TBC1D22A: variants seen among roughly 807,000 people sequenced by gnomAD.
The protein encoded by TBC1D22A is putative GTPase activator.
TBC1D22A carries 38 observed loss-of-function variants against 60.2 expected under a neutral mutation model. That is an observed-to-expected ratio of 0.63 (90% CI 0.49 to 0.83). The LOEUF (loss-of-function observed/expected upper bound fraction) is 0.83. Ranked by LOEUF, TBC1D22A falls within the 40% of genes least tolerant of loss-of-function variation. TBC1D22A has a pLI of 0.00. For synonymous variants in TBC1D22A, 302 were observed against 281.7 expected (o/e 1.07, Z -0.72); for missense variants, 628 against 701.0 (o/e 0.90, Z 1.18).
At chr22:46,868,480 C>T (rs1055042764) in intron 4 of TBC1D22A, among the ~76,000 whole-genome samples, 5 of 152,110 alleles carry the variant, frequency 3.3e-5, no homozygotes, top group South Asian at 2.1e-4. Context: ...TGGAAAAAAA[C>T]CCAGAATTCG....
intron 11 of TBC1D22A, among the ~76,000 whole-genome samples, chr22:47,099,604 C>G (rs527236361): frequency 9.3e-4 from 141 of 152,206 alleles, no homozygotes; most frequent in African/African-American, 3.3e-3. Context: ...TGCCACCACA[C>G]CCAGCTAATT....
intron 12 of TBC1D22A, among the ~76,000 whole-genome samples, chr22:47,164,813 A>G (rs186845497): frequency 3.3e-5 from 5 of 152,320 alleles, no homozygotes; most frequent in South Asian, 2.1e-4. Context: ...TCCTCTGCAC[A>G]TGTACGTCAC....
At chr22:46,768,905 C>T in intron 1 of TBC1D22A, among the ~76,000 whole-genome samples, 1 of 152,000 alleles carries the variant, frequency 6.6e-6, no homozygotes, top group East Asian at 1.9e-4. Flanking sequence ...ACCAGCCTGA[C>T]CAACATGGTG....
At chr22:46,786,727 T>G (rs1204779153) in intron 1 of TBC1D22A, among the ~76,000 whole-genome samples, 1 of 152,206 alleles carries the variant, frequency 6.6e-6, no homozygotes. Context: ...CTTGCTCTGT[T>G]GCCCACACTT....
chr22:46,824,555 A>T (rs62233852), intron 4 of TBC1D22A, among the ~76,000 whole-genome samples: 2,238 of 152,192 alleles, frequency 0.015, 25 homozygotes, highest in Non-Finnish European at 0.022. Flanking sequence ...ATTCCATGCT[A>T]GTTGTGGTGG....
chr22:46,852,909 C>T (rs893679022), intron 4 of TBC1D22A, among the ~76,000 whole-genome samples: 13 of 152,184 alleles, frequency 8.5e-5, no homozygotes, highest in South Asian at 8.3e-4. Context: ...GACTGAGGTC[C>T]GTTCCGTTTC....
At chr22:46,862,957 G>A (rs2087985495) in intron 4 of TBC1D22A, among the ~76,000 whole-genome samples, 1 of 152,204 alleles carries the variant, frequency 6.6e-6, no homozygotes, top group Non-Finnish European at 1.5e-5. Flanking sequence ...TGTAGGTAGA[G>A]TGTCTCTGGT....
intron 1 of TBC1D22A, chr22:46,763,179 G>A (rs948321217): frequency 3.2e-5 from 10 of 312,352 alleles, no homozygotes; most frequent in Non-Finnish European, 5.3e-5. Flanking sequence ...GAAGTTTGGT[G>A]GAGTCCGGAA....
chr22:47,050,804 G>T (rs1354968991), intron 11 of TBC1D22A, among the ~76,000 whole-genome samples: 2 of 152,190 alleles, frequency 1.3e-5, no homozygotes, highest in African/African-American at 4.8e-5. Context: ...GTGGGGGGAT[G>T]GTGAGGACAG....
chr22:47,078,293 C>T (rs1304723470), intron 11 of TBC1D22A, among the ~76,000 whole-genome samples: 1 of 152,212 alleles, frequency 6.6e-6, no homozygotes, highest in Non-Finnish European at 1.5e-5. Context: ...TGTCACCTCT[C>T]TCCCTGGATG....
intron 10 of TBC1D22A, among the ~76,000 whole-genome samples, chr22:47,006,803 C>T (rs941540649): frequency 1.3e-5 from 2 of 152,196 alleles, no homozygotes; most frequent in Non-Finnish European, 2.9e-5. Context: ...GTCTAAAACC[C>T]TTTCTTGCCC....
chr22:46,805,833 T>C (rs2085105116), intron 4 of TBC1D22A, among the ~76,000 whole-genome samples: 3 of 139,860 alleles, frequency 2.1e-5, no homozygotes, highest in Admixed American at 2.1e-4. Context: ...TGTCTTTCTG[T>C]CCTTCTTCTT....
intron 12 of TBC1D22A, among the ~76,000 whole-genome samples, chr22:47,127,006 C>T (rs558147426): frequency 1.6e-4 from 25 of 152,210 alleles, no homozygotes; most frequent in South Asian, 2.1e-4. Context: ...ACACAATACA[C>T]GCAATATCCA....
chr22:46,974,672 G>T (rs1039264353), intron 9 of TBC1D22A, among the ~76,000 whole-genome samples: 1 of 152,230 alleles, frequency 6.6e-6, no homozygotes, highest in Non-Finnish European at 1.5e-5. Flanking sequence ...CCTGCAGACT[G>T]TAGCCACCAC....
chr22:47,112,569 G>A (rs370618346), intron 12 of TBC1D22A, among the ~76,000 whole-genome samples: 2 of 152,176 alleles, frequency 1.3e-5, no homozygotes, highest in Admixed American at 6.5e-5. Context: ...ACCTCCTGCC[G>A]CCCCGCTTCA....
chr22:46,967,005 G>T (rs1306108676), intron 8 of TBC1D22A, among the ~76,000 whole-genome samples: 1 of 152,202 alleles, frequency 6.6e-6, no homozygotes, highest in East Asian at 1.9e-4. Flanking sequence ...GTCTAGCCAT[G>T]CTGAGGGCGT....
chr22:46,974,817 A>C (rs1473922770), intron 9 of TBC1D22A, among the ~76,000 whole-genome samples: 1 of 152,206 alleles, frequency 6.6e-6, no homozygotes, highest in Non-Finnish European at 1.5e-5. Flanking sequence ...CCTCGCCTGC[A>C]GTATTGGTGG....
chr22:46,820,468 T>G (rs1466446973), intron 4 of TBC1D22A, among the ~76,000 whole-genome samples: 1 of 152,234 alleles, frequency 6.6e-6, no homozygotes, highest in Non-Finnish European at 1.5e-5. Flanking sequence ...AACTTTTTGA[T>G]TTCTGCCTTA....
chr22:46,781,111 C>CTTCTCCCTG (rs1395452211), intron 1 of TBC1D22A, among the ~76,000 whole-genome samples: 1 of 149,190 alleles, frequency 6.7e-6, no homozygotes, highest in Non-Finnish European at 1.5e-5. Context: ...CCCCTCTGCT[C>CTTCTCCCTG]TTCTCCCTGG....
Sources: allele counts gnomAD v4.1 joint callset (sites outside exome capture counted in the v4.1 genomes callset), GRCh38; gene constraint gnomAD v4.1.1; transcripts MANE v1.5; gene names NCBI Gene and HGNC (gene_info 2026-07-23, HGNC 2026-07-21).